The following MEGF10 variants were observed in gnomAD, a reference collection of about 807,000 sequenced individuals.
The protein encoded by MEGF10 is multiple epidermal growth factor-like domains protein 10.
A neutral mutation model predicts 147.5 loss-of-function variants in MEGF10; 86 were observed. The observed-to-expected ratio is 0.58, with a 90% CI of 0.49 to 0.70. MEGF10 has a LOEUF of 0.70. Ranked by LOEUF, MEGF10 falls within the 30% of genes least tolerant of loss-of-function variation. The pLI is 0.00. For missense variants in MEGF10, 1,329 were observed against 1,487.3 expected, an observed-to-expected ratio of 0.89 and a Z score of 1.75; for synonymous variants, 478 against 525.5, an observed-to-expected ratio of 0.91 and a Z score of 1.24.
intron 16 of MEGF10, among the ~76,000 whole-genome samples, chr5:127,436,862 C>A (rs973482557): frequency 7.2e-5 from 11 of 152,100 alleles, no homozygotes; most frequent in African/African-American, 2.4e-4. Flanking sequence ...TGATTGTGAG[C>A]CTGTCTAAAG....
At chr5:127,318,576 A>G (rs1760660197) in intron 1 of MEGF10, among the ~76,000 whole-genome samples, 1 of 152,204 alleles carries the variant, frequency 6.6e-6, no homozygotes, top group African/African-American at 2.4e-5. Context: ...AACTTGTAAA[A>G]TCATCCTAGA....
intron 4 of MEGF10, among the ~76,000 whole-genome samples, chr5:127,349,829 A>T (rs1217709072): frequency 1.3e-5 from 2 of 152,098 alleles, no homozygotes; most frequent in Non-Finnish European, 2.9e-5. Flanking sequence ...ATTCAATGTA[A>T]GACATATTAT....
chr5:127,349,125 C>T (rs778735501), intron 4 of MEGF10, among the ~76,000 whole-genome samples: 31 of 152,082 alleles, frequency 2.0e-4, no homozygotes, highest in Non-Finnish European at 2.9e-4. Context: ...TTTTATTCTA[C>T]GGACCACATT....
intron 4 of MEGF10, among the ~76,000 whole-genome samples, chr5:127,360,791 T>G (rs1580761848): frequency 6.6e-6 from 1 of 151,760 alleles, no homozygotes; most frequent in Admixed American, 6.6e-5. Context: ...TATATGTATA[T>G]GAAGGAACTA....
At chr5:127,340,790 A>G (rs546927363) in intron 4 of MEGF10, among the ~76,000 whole-genome samples, 160 bp downstream of exon 4, 1 of 152,304 alleles carries the variant, frequency 6.6e-6, no homozygotes, top group East Asian at 1.9e-4. Flanking sequence ...AATGAAGGAA[A>G]CATTAACTCT....
At chr5:127,273,433 G>A in the MEGF10 span, among the ~76,000 whole-genome samples, 5 of 152,214 alleles carry the variant, frequency 3.3e-5, no homozygotes, top group African/African-American at 4.8e-5. Context: ...TGAAGGTGCT[G>A]TATTCACTCC....
intron 5 of MEGF10, among the ~76,000 whole-genome samples, chr5:127,382,002 G>A (rs1426500253): frequency 1.3e-5 from 2 of 152,176 alleles, no homozygotes; most frequent in Non-Finnish European, 2.9e-5. Context: ...TTCGGCGTCT[G>A]TCATGGCTAT....
Position 127,434,285 on chromosome 5 carries a change from C to A in MEGF10, c.1841-402C>A, listed in dbSNP as rs557215249. ...GTTGATCGATTTTTATTGCCAGAAACGACTCTTAAAGAATAAAGAATCAAC... is the reference window on the plus strand; with the variant it reads ...GTTGATCGATTTTTATTGCCAGAAAAGACTCTTAAAGAATAAAGAATCAAC... On this transcript the variant is annotated intron_variant, in intron 14 of 24. Transcript: ENST00000503335. Among the ~76,000 whole-genome samples, 8 of 152,166 alleles carry A rather than the reference C, an allele frequency of 5.3e-5. No individual in the cohort carries two copies. The South Asian group carries it at 1.7e-3, about 32-fold the overall frequency.
chr5:127,246,942 AT>A, the MEGF10 span, among the ~76,000 whole-genome samples: 12 of 874 alleles, frequency 0.014, no homozygotes, highest in Non-Finnish European at 6.5e-3. Flanking sequence ...ATATGATTAT[AT>A]TATATATAAT....
At chr5:127,263,026 AG>A in the MEGF10 span, among the ~76,000 whole-genome samples, 1 of 152,194 alleles carries the variant, frequency 6.6e-6, no homozygotes, top group Non-Finnish European at 1.5e-5. Flanking sequence ...ACAACAAAAA[AG>A]TCCTACTTCT....
chr5:127,377,017 C>A (rs1763057060), intron 5 of MEGF10, among the ~76,000 whole-genome samples: 1 of 152,138 alleles, frequency 6.6e-6, no homozygotes, highest in East Asian at 1.9e-4. Flanking sequence ...TGAAAACAAA[C>A]CCTCTGAGAG....
chr5:127,436,979 C>T (rs1010390506), intron 16 of MEGF10, among the ~76,000 whole-genome samples: 8 of 152,208 alleles, frequency 5.3e-5, no homozygotes, highest in African/African-American at 1.9e-4. Flanking sequence ...ACTATCTCTA[C>T]GTTTACCTTT....
chr5:127,367,928 G>A (rs1762714584), intron 4 of MEGF10, among the ~76,000 whole-genome samples: 1 of 152,172 alleles, frequency 6.6e-6, no homozygotes, highest in Admixed American at 6.5e-5. Context: ...GTGTGAGATA[G>A]CATCCAGAGC....
chr5:127,356,492 T>G (rs1393212801), intron 4 of MEGF10, among the ~76,000 whole-genome samples: 3 of 152,178 alleles, frequency 2.0e-5, no homozygotes, highest in Non-Finnish European at 4.4e-5. Flanking sequence ...CAGCATTAGC[T>G]CAAGGTGGGC....
intron 13 of MEGF10, among the ~76,000 whole-genome samples, chr5:127,426,262 C>T (rs1041138396): frequency 6.6e-6 from 1 of 152,096 alleles, no homozygotes; most frequent in Non-Finnish European, 1.5e-5. Context: ...GGAACTGAGG[C>T]TTTTTTATTT....
At chr5:127,333,437 A>C (rs1383778318) in intron 2 of MEGF10, among the ~76,000 whole-genome samples, 1 of 151,972 alleles carries the variant, frequency 6.6e-6, no homozygotes, top group Non-Finnish European at 1.5e-5. Context: ...ACTTGAACTC[A>C]GGAGGTGGAG....
intron 4 of MEGF10, among the ~76,000 whole-genome samples, chr5:127,368,906 T>G (rs1430723350): frequency 6.6e-6 from 1 of 152,114 alleles, no homozygotes; most frequent in Non-Finnish European, 1.5e-5. Flanking sequence ...GAGAAAAATA[T>G]GTAGGAAAAA....
At chr5:127,447,497 C>CT (rs763013624) in intron 20 of MEGF10, 60 bp from the exon 21 acceptor site, 8 of 1,606,122 alleles carry the variant, frequency 5.0e-6, no homozygotes, top group African/African-American at 1.3e-5. Context: ...TTTTGATTCC[C>CT]TTTTTTCACA....
At chr5:127,353,248 G>A (rs961800905) in intron 4 of MEGF10, among the ~76,000 whole-genome samples, 2 of 152,170 alleles carry the variant, frequency 1.3e-5, no homozygotes, top group African/African-American at 4.8e-5. Context: ...GGCACATGCT[G>A]GAATAAATGA....
Sources: gnomAD v4.1 joint callset for allele counts (sites outside exome capture counted in the v4.1 genomes callset) on GRCh38, gnomAD v4.1.1 for gene constraint, MANE v1.5 for transcripts, NCBI Gene and HGNC (gene_info 2026-07-23, HGNC 2026-07-21) for gene names.